Variants in SEMA3E observed in about 807,000 individuals in gnomAD.
The protein encoded by SEMA3E is semaphorin-3E.
In SEMA3E, 49 loss-of-function variants were observed where a neutral mutation model predicts 93.6. The ratio of observed to expected loss-of-function variants is 0.52; its 90% CI spans 0.42 to 0.66. SEMA3E has a LOEUF of 0.66. Among genes scored for constraint, SEMA3E ranks in the 30% least tolerant of loss-of-function variants. The probability of loss-of-function intolerance (pLI) is 0.00; values close to 1 mark genes in which losing one functional copy is unlikely to be tolerated. For synonymous variants in SEMA3E, 363 were observed against 330.7 expected (o/e 1.10, Z -1.06); for missense variants, 906 against 964.8 (o/e 0.94, Z 0.81).
At chr7:83,447,938 A>G (rs1006562361) in intron 4 of SEMA3E, among the ~76,000 whole-genome samples, 1 of 152,208 alleles carries the variant, frequency 6.6e-6, no homozygotes, top group Non-Finnish European at 1.5e-5. Flanking sequence ...CCACTTTTCT[A>G]TCTTTCTCTG....
Position 83,400,151 on chromosome 7 carries a change from T to A in SEMA3E, c.1243A>T (p.Ile415Leu), listed in dbSNP as rs1180431769. Reference sequence around the variant, plus strand: ...ATTGGTTTTTTATGGGCAGGTTTTATGGCCTGGTACATTAGTGGATGACTT... The same window carrying A: ...ATTGGTTTTTTATGGGCAGGTTTTAAGGCCTGGTACATTAGTGGATGACTT... ...ARSHPLMYQA[I>L]KPAHKKPILV... is the part of the protein sequence containing the mutation. The change falls in exon 11 of 17, where the codon ATA (isoleucine) becomes TTA (leucine). Residue 415 changes from isoleucine to leucine, a missense_variant. Physicochemically the swap from Ile to Leu is conservative, Grantham distance 5. Transcript: ENST00000643230. 5 of 1,614,058 alleles carry A rather than the reference T, an allele frequency of 3.1e-6. No homozygotes were observed. In the East Asian group the frequency reaches 1.1e-4, roughly 36 times the overall value.
chr7:83,500,041 TATA>T (rs1311120421), intron 1 of SEMA3E, among the ~76,000 whole-genome samples: 2 of 152,204 alleles, frequency 1.3e-5, no homozygotes, highest in African/African-American at 2.4e-5. Context: ...ATGAATATTT[TATA>T]ATAAGATGTT....
intron 4 of SEMA3E, among the ~76,000 whole-genome samples, chr7:83,459,237 A>G (rs867603242): frequency 1.3e-5 from 2 of 152,152 alleles, no homozygotes; most frequent in Admixed American, 6.5e-5. Flanking sequence ...CAATAGGAAT[A>G]AAGCTTTACA....
intron 2 of SEMA3E, among the ~76,000 whole-genome samples, chr7:83,469,555 C>G (rs1584269883): frequency 6.6e-6 from 1 of 151,944 alleles, no homozygotes; most frequent in East Asian, 1.9e-4. Context: ...AAGTCTTGGC[C>G]CTTCAGAGGA....
intron 4 of SEMA3E, among the ~76,000 whole-genome samples, chr7:83,449,303 T>G (rs1421267763): frequency 1.3e-5 from 2 of 152,016 alleles, no homozygotes; most frequent in Non-Finnish European, 2.9e-5. Flanking sequence ...TTTCACCATG[T>G]TGTCCAGGCT....
At chr7:83,409,364 A>T (rs1788392288) in intron 5 of SEMA3E, among the ~76,000 whole-genome samples, 1 of 152,166 alleles carries the variant, frequency 6.6e-6, no homozygotes, top group South Asian at 2.1e-4. Context: ...TACCAGAAGG[A>T]TGTCCTGGCC....
At chr7:83,528,857 C>A (rs1013863073) in intron 1 of SEMA3E, among the ~76,000 whole-genome samples, 1 of 152,026 alleles carries the variant, frequency 6.6e-6, no homozygotes, top group Non-Finnish European at 1.5e-5. Flanking sequence ...TTAGTGTTCT[C>A]TACCTTCAGA....
intron 1 of SEMA3E, among the ~76,000 whole-genome samples, chr7:83,624,340 A>G (rs926167747): frequency 1.3e-5 from 2 of 152,228 alleles, no homozygotes; most frequent in Admixed American, 6.5e-5. Flanking sequence ...CACTCCAACC[A>G]ACAGTGTAAA....
At position 83,365,109 on chromosome 7, in the gene SEMA3E, G is replaced by A. The variant is rs1562744466; in HGVS notation, c.*2477C>T. The A allele has an allele frequency of 6.6e-6, 1 of 152,028 alleles. No individual in the cohort carries two copies. The highest frequency in any genetic ancestry group is 1.5e-5 in the Non-Finnish European group (1 of 68,000). 9.4% of individuals were successfully genotyped at this position (152,028 alleles called of 1,614,324 possible). A position where few individuals can be genotyped will look rare whatever the true frequency, so the allele number is the denominator to read the frequency against. On this transcript the variant is annotated 3_prime_UTR_variant, in exon 17 of 17. Coordinates refer to ENST00000643230, the MANE Select transcript of SEMA3E (RefSeq NM_012431.3). ...AGATTGATTTATTTGTATTTTGATA[G>A]GGCAGTGAAGATTTATTTTATAGTA...
chr7:83,550,051 G>A (rs1243440286), intron 1 of SEMA3E, among the ~76,000 whole-genome samples: 2 of 147,540 alleles, frequency 1.4e-5, no homozygotes, highest in African/African-American at 5.1e-5. Context: ...TTTTATTTAC[G>A]CCATTTGAGG....
chr7:83,454,272 A>AAAAAAAAATATAT (rs1257792756), intron 4 of SEMA3E, among the ~76,000 whole-genome samples: 7 of 110,106 alleles, frequency 6.4e-5, no homozygotes, highest in African/African-American at 3.0e-4. Flanking sequence ...AAAAAAAAAA[A>AAAAAAAAATATAT]ATATATATAT....
intron 1 of SEMA3E, among the ~76,000 whole-genome samples, chr7:83,506,148 A>C (rs1481661405): frequency 1.3e-5 from 2 of 151,836 alleles, no homozygotes; most frequent in East Asian, 3.9e-4. Flanking sequence ...GTTTTCCTGT[A>C]ATTTTTGATA....
At chr7:83,525,693 G>T (rs537385866) in intron 1 of SEMA3E, among the ~76,000 whole-genome samples, 1 of 150,904 alleles carries the variant, frequency 6.6e-6, no homozygotes, top group African/African-American at 2.4e-5. Context: ...TTGTTTCATG[G>T]ATGCAATATT....
At chr7:83,543,476 G>A (rs1191294227) in intron 1 of SEMA3E, among the ~76,000 whole-genome samples, 1 of 151,996 alleles carries the variant, frequency 6.6e-6, no homozygotes, top group Non-Finnish European at 1.5e-5. Flanking sequence ...TCAAAGTTGT[G>A]TTTTGATTTC....
intron 1 of SEMA3E, among the ~76,000 whole-genome samples, chr7:83,576,669 A>T (rs1484619701): frequency 6.6e-6 from 1 of 152,142 alleles, no homozygotes; most frequent in African/African-American, 2.4e-5. Flanking sequence ...TCTGTTGTCC[A>T]GGCTGGAGTG....
intron 4 of SEMA3E, among the ~76,000 whole-genome samples, chr7:83,462,550 C>T (rs989318306): frequency 6.6e-6 from 1 of 152,056 alleles, no homozygotes; most frequent in African/African-American, 2.4e-5. Flanking sequence ...CCCACCTTAA[C>T]CCACAAGTAT....
intron 1 of SEMA3E, among the ~76,000 whole-genome samples, chr7:83,570,397 C>T (rs913849052): frequency 9.5e-5 from 14 of 148,056 alleles, no homozygotes; most frequent in Non-Finnish European, 1.9e-4. Flanking sequence ...ACTAAAAATA[C>T]AAAAAATTAG....
At chr7:83,581,597 C>A (rs1792519279) in intron 1 of SEMA3E, among the ~76,000 whole-genome samples, 1 of 151,758 alleles carries the variant, frequency 6.6e-6, no homozygotes, top group Non-Finnish European at 1.5e-5. Context: ...AATTTTGCAC[C>A]ATGGAAAAGC....
chr7:83,410,834 AG>A (rs1788425980), intron 5 of SEMA3E, among the ~76,000 whole-genome samples: 1 of 152,062 alleles, frequency 6.6e-6, no homozygotes, highest in East Asian at 1.9e-4. Context: ...TAATTATTAT[AG>A]TTGAGTTATG....
Sources: gnomAD v4.1 joint callset for allele counts (sites outside exome capture counted in the v4.1 genomes callset) on GRCh38, gnomAD v4.1.1 for gene constraint, MANE v1.5 for transcripts, NCBI Gene and HGNC (gene_info 2026-07-23, HGNC 2026-07-21) for gene names.